The following SPATA6L variants were observed in gnomAD, a reference collection of about 807,000 sequenced individuals.
SPATA6L encodes spermatogenesis associated 6-like protein.
Under a neutral mutation model 49.2 loss-of-function variants are expected in SPATA6L, and 68 were observed. The ratio of observed to expected loss-of-function variants is 1.38; its 90% CI spans 1.14 to 1.69. The LOEUF is 1.69. Ranked by LOEUF, SPATA6L falls within the 40% of genes most tolerant of loss-of-function variation. SPATA6L has a pLI of 0.00. For synonymous variants in SPATA6L, 198 were observed against 165.7 expected (o/e 1.19, Z -1.50); for missense variants, 668 against 464.3 (o/e 1.44, Z -4.03).
intron 13 of SPATA6L, among the ~76,000 whole-genome samples, chr9:4,589,248 ACTATGT>A (rs1283946261): frequency 8.5e-5 from 13 of 152,374 alleles, no homozygotes; most frequent in African/African-American, 2.9e-4. Context: ...TCTGTTACAG[ACTATGT>A]CTAACGAATG....
rs539699646 is a variant in SPATA6L at position 4,618,909 on chromosome 9, G to C, written c.773-11C>G. On this transcript the variant is annotated splice_polypyrimidine_tract_variant and intron_variant, in intron 7 of 11. Coordinates refer to ENST00000682582, the MANE Select transcript of SPATA6L (RefSeq NM_001353486.2). Reference sequence around the variant, plus strand: ...TGTCAAGAGAAGAAGCTAGAAGAAAGAGGAACAGGCATTTCAATGACTCAT... The same window carrying C: ...TGTCAAGAGAAGAAGCTAGAAGAAACAGGAACAGGCATTTCAATGACTCAT... 15 of 1,613,070 alleles carry C rather than the reference G, an allele frequency of 9.3e-6. No individual in the cohort carries two copies. In the African/African-American group the frequency reaches 1.6e-4, roughly 17 times the overall value.
chr9:4,596,790 G>A (rs562532566), downstream of SPATA6L, among the ~76,000 whole-genome samples: 2 of 152,196 alleles, frequency 1.3e-5, no homozygotes, highest in East Asian at 3.9e-4. Flanking sequence ...GGCCAACCAG[G>A]TGGCAGCAAA....
chr9:4,646,545 G>A, intron 3 of SPATA6L: 1 of 1,483,480 alleles, frequency 6.7e-7, no homozygotes. Context: ...AGGAAAAAAT[G>A]AGATTTTAAT....
rs145525897 is a variant in SPATA6L, at chr9:4,647,542, A to C, written c.226+8499T>G. On this transcript the variant is annotated intron_variant, in intron 3 of 11. Coordinates refer to ENST00000682582, the MANE Select transcript of SPATA6L (RefSeq NM_001353486.2). ...GGGAGGTGAAGGCTGCAGTGAGCCAAGATTGTGTACTGCACTCCAGCCTTG... is the reference window on the plus strand; with the variant it reads ...GGGAGGTGAAGGCTGCAGTGAGCCACGATTGTGTACTGCACTCCAGCCTTG... Among the ~76,000 whole-genome samples, 1,369 of 152,328 alleles carry C rather than the reference A, an allele frequency of 9.0e-3. 18 individuals carry two copies. The highest frequency in any genetic ancestry group is 0.031 in the African/African-American group (1,283 of 41,560).
At position 4,646,123 on chromosome 9, in the gene SPATA6L, T is replaced by TACAC. The variant is rs112163366; in HGVS notation, c.226+9914_226+9917dup. 3.3e-3 allele frequency among the ~76,000 whole-genome samples: 488 copies of TACAC among 149,316 alleles called. 1 individual carries two copies. The highest frequency in any genetic ancestry group is 0.011 in the African/African-American group (429 of 40,770). On this transcript the variant is annotated intron_variant, in intron 3 of 11. Coordinates refer to ENST00000682582, the MANE Select transcript of SPATA6L (RefSeq NM_001353486.2). ...TAACAATGAAAATGTCTTAGGGTTT[T>TACAC]ACACACACACACACACACACACCCC...
At chr9:4,661,659 T>A (rs574961518) in intron 2 of SPATA6L, among the ~76,000 whole-genome samples, 2 of 152,044 alleles carry the variant, frequency 1.3e-5, no homozygotes. Flanking sequence ...AAAAATGCCA[T>A]GGGAGTTCCA....
rs577810548 is a variant in SPATA6L at position 4,606,807 on chromosome 9, G to A, written c.996-1367C>T. ...AAGCTGGACGGAGAACGACTTCGAC[G>A]AGCTGAGAGAAGAAGGCTTCAGACG... On this transcript the variant is annotated intron_variant, in intron 9 of 11. Transcript: ENST00000682582. 5.0e-3 allele frequency among the ~76,000 whole-genome samples: 741 copies of A among 148,330 alleles called. 13 individuals carry two copies. The highest frequency in any genetic ancestry group is 0.018 in the African/African-American group (703 of 39,122).
At position 4,666,476 on chromosome 9, in the gene SPATA6L, G is replaced by A. The variant is rs1587602191; in HGVS notation, c.-226C>T. ...CAGGCTTCCAGAAGGCGGAAGCGTG[G>A]CGTTGCCAGGGACACTCAAACGCGC... On this transcript the variant is annotated 5_prime_UTR_variant, in exon 1 of 12. Transcript: ENST00000682582. 1.8e-6 allele frequency: 1 copy of A among 570,166 alleles called. No homozygotes were observed. 35.3% of individuals were successfully genotyped at this position (570,166 alleles called of 1,614,324 possible).
At chr9:4,606,391 T>G (rs1338115730) in intron 9 of SPATA6L, among the ~76,000 whole-genome samples, 12 of 112,238 alleles carry the variant, frequency 1.1e-4, no homozygotes, top group African/African-American at 3.5e-4. Context: ...CAGACTTAAA[T>G]GTCCCTGTCT....
chr9:4,602,883 A>G (rs61229093), intron 11 of SPATA6L, among the ~76,000 whole-genome samples: 3,411 of 152,282 alleles, frequency 0.022, 115 homozygotes, highest in African/African-American at 0.079. Flanking sequence ...GATAGTACCT[A>G]TCTCATTGGG....
At position 4,600,208 on chromosome 9, in the gene SPATA6L, C is replaced by A. The variant is rs1822872030; in HGVS notation, c.*603G>T. 6.6e-6 allele frequency among the ~76,000 whole-genome samples: 1 copy of A among 152,162 alleles called. No homozygotes were observed. ...CAGTTTAAACTACGCTCCAGAGGAG[C>A]CAGCCTCCTCTTACAAATTTATCAC... is the stretch of plus-strand genomic sequence containing the variant. On this transcript the variant is annotated 3_prime_UTR_variant, in exon 12 of 12. Coordinates refer to ENST00000682582, the MANE Select transcript of SPATA6L (RefSeq NM_001353486.2).
chr9:4,618,203 G>C, intron 8 of SPATA6L, 93 bp from the exon 9 acceptor site: 7 of 1,088,406 alleles, frequency 6.4e-6, no homozygotes, highest in Non-Finnish European at 9.2e-6. Context: ...AGATAACTCG[G>C]GCTAAGATGA....
At chr9:4,607,018 G>T (rs1055182754) in intron 9 of SPATA6L, among the ~76,000 whole-genome samples, 10 of 148,842 alleles carry the variant, frequency 6.7e-5, no homozygotes, top group African/African-American at 2.6e-4. Flanking sequence ...AGGAGCCGAT[G>T]CAATCAACTG....
Position 4,662,184 on chromosome 9 carries a change from A to C in SPATA6L, c.40-148T>G. Reference sequence around the variant, plus strand: ...CTCACCTGTACCTCCCAACGCCAACATCCTCCCCTCTGCTCTCCTCACATT... The same window carrying C: ...CTCACCTGTACCTCCCAACGCCAACCTCCTCCCCTCTGCTCTCCTCACATT... On this transcript the variant is annotated intron_variant, in intron 1 of 11. Coordinates refer to ENST00000682582, the MANE Select transcript of SPATA6L (RefSeq NM_001353486.2). The surrounding 1 kb of genome is among the most constrained non-coding windows in gnomAD (Gnocchi z 4.9). 2 of 1,447,520 alleles carry C rather than the reference A, an allele frequency of 1.4e-6. No homozygotes were observed. The highest frequency in any genetic ancestry group is 1.8e-6 in the Non-Finnish European group (2 of 1,103,300). The allele number at this position is 1,447,520 out of a possible 1,614,324, so 89.7% of individuals were successfully genotyped here.
Position 4,622,439 on chromosome 9 carries a change from CTT to C in SPATA6L, c.739_740del (p.Lys247ValfsTer15). The C allele has an allele frequency of 6.2e-7, 1 of 1,613,796 alleles. No individual in the cohort carries two copies. Among genetic ancestry groups the C allele is most frequent in the Non-Finnish European group, 8.5e-7 (1 of 1,179,814 alleles). ...HHLRRSRRKSKFSDFPFPTRR... is the reference protein window; with the variant it reads ...HHLRRSRRKSXFSDFPFPTRR... The stretch of plus-strand genomic sequence containing the variant: ...TCGTTGGAAACGGAAAGTCTGAAAA[CTT>C]AGATTTTCTTCTAGACCTCCTCAAA... On this transcript the variant is annotated frameshift_variant, in exon 7 of 12. Coordinates refer to ENST00000682582, the MANE Select transcript of SPATA6L (RefSeq NM_001353486.2). LOFTEE classifies it high-confidence loss of function.
chr9:4,593,610 A>C (rs1292964347), downstream of SPATA6L, among the ~76,000 whole-genome samples: 1 of 152,140 alleles, frequency 6.6e-6, no homozygotes, highest in African/African-American at 2.4e-5. Flanking sequence ...AATCCCCTAC[A>C]GTCGGGCTTC....
rs541252546 is a variant in SPATA6L, at chr9:4,610,050, C to T, written c.996-4610G>A. 9.9e-3 allele frequency among the ~76,000 whole-genome samples: 1,509 copies of T among 152,040 alleles called. 18 individuals are homozygous for T. The highest frequency in any genetic ancestry group is 0.035 in the African/African-American group (1,436 of 41,446). The stretch of plus-strand genomic sequence containing the variant: ...ATGAGTGAACTCCCATTCACAATTG[C>T]TTCAAAGAGAATAAAATACCTAGGA... On this transcript the variant is annotated intron_variant, in intron 9 of 11. Coordinates refer to ENST00000682582, the MANE Select transcript of SPATA6L (RefSeq NM_001353486.2).
At chr9:4,653,261 A>G (rs966504199) in intron 3 of SPATA6L, among the ~76,000 whole-genome samples, 3 of 152,260 alleles carry the variant, frequency 2.0e-5, no homozygotes, top group East Asian at 1.9e-4. Context: ...AATGAGGGAA[A>G]GAATGGTCTT....
intron 11 of SPATA6L, among the ~76,000 whole-genome samples, chr9:4,603,927 G>A (rs1445755954): frequency 1.3e-5 from 2 of 152,082 alleles, no homozygotes; most frequent in South Asian, 2.1e-4. Flanking sequence ...AAAGAAGGCC[G>A]GAAAGTCTAT....
Sources: gnomAD v4.1 joint callset for allele counts (sites outside exome capture counted in the v4.1 genomes callset) on GRCh38, gnomAD v4.1.1 for gene constraint, Gnocchi (gnomAD v3.1) non-coding constraint, MANE v1.5 for transcripts, NCBI Gene and HGNC (gene_info 2026-07-23, HGNC 2026-07-21) for gene names.